The following SEC61A1 variants were observed in gnomAD, a reference collection of about 807,000 sequenced individuals.
SEC61A1 encodes the protein SEC61 translocon subunit alpha 1.
In SEC61A1, 15 loss-of-function variants were observed where a neutral mutation model predicts 55.2. That is an observed-to-expected ratio of 0.27 (90% CI 0.18 to 0.42). SEC61A1 has a LOEUF of 0.42. SEC61A1 is among the 10% of genes least tolerant of loss of function. The pLI is 1.00. For missense variants in SEC61A1, 284 were observed against 602.6 expected, an observed-to-expected ratio of 0.47 and a Z score of 5.53; for synonymous variants, 247 against 234.0, an observed-to-expected ratio of 1.06 and a Z score of -0.51.
At position 128,060,657 on chromosome 3, in the gene SEC61A1, C is replaced by T. The variant is rs745868695; in HGVS notation, c.612C>T (p.Gly204=). The T allele has an allele frequency of 3.7e-6, 6 of 1,613,896 alleles. No homozygotes were observed. Among genetic ancestry groups the T allele is most frequent in the South Asian group, 3.3e-5 (3 of 91,064 alleles). ...TCAGCCCCACTACTGTCAACACTGG[C>T]CGAGGTAAGGGCCCTGTGCTCCCCT... ...KAFSPTTVNT[G]RGMEFEGAII... is the part of the protein sequence containing the mutation. Residue 204 remains glycine (G), a synonymous_variant, in exon 7 of 12, where the codon GGC becomes GGT. Transcript: ENST00000243253.
intron 4 of SEC61A1, among the ~76,000 whole-genome samples, chr3:128,056,186 G>T (rs1941767540): frequency 6.6e-6 from 1 of 152,102 alleles, no homozygotes. Context: ...TTACTTATGG[G>T]ACTGGGGAGG....
At chr3:128,052,354 G>C (rs1941695277), upstream of SEC61A1, 2 of 826,410 alleles carry the variant, frequency 2.4e-6, no homozygotes, top group Non-Finnish European at 1.5e-6. Flanking sequence ...GCGGGCGCGC[G>C]TGGCAGGAAG....
At position 128,052,482 on chromosome 3, in the gene SEC61A1, C is replaced by A. The variant is rs937063007; in HGVS notation, c.-71C>A. On this transcript the variant is annotated 5_prime_UTR_variant, in exon 1 of 12. Coordinates refer to ENST00000243253, the MANE Select transcript of SEC61A1 (RefSeq NM_013336.4). ...TGCTGTGCAGTGGAACGCGCTGGGCCGCGGGCAGCGTCGCCTCACGCGGAG... is the reference window on the plus strand; with the variant it reads ...TGCTGTGCAGTGGAACGCGCTGGGCAGCGGGCAGCGTCGCCTCACGCGGAG... The A allele has an allele frequency of 1.0e-5, 16 of 1,556,140 alleles. No individual in the cohort carries two copies. The highest frequency in any genetic ancestry group is 1.4e-5 in the Non-Finnish European group (16 of 1,151,946).
chr3:128,057,723 G>C (rs553585174), intron 5 of SEC61A1, among the ~76,000 whole-genome samples: 308 of 648 alleles, frequency 0.48, 2 homozygotes, highest in African/African-American at 0.49. Flanking sequence ...AGCCAGGCGT[G>C]GTGACAAGGT....
Position 128,060,539 on chromosome 3 carries a change from T to C in SEC61A1, c.494T>C (p.Leu165Ser), listed in dbSNP as rs1168734315. 1.2e-6 allele frequency: 2 copies of C among 1,614,118 alleles called. No homozygotes were observed. Among genetic ancestry groups the C allele is most frequent in the Non-Finnish European group, 1.7e-6 (2 of 1,180,050 alleles). ...GTTGCTGGCTTAATTGTCCTACTTT[T>C]GGATGAACTCCTGCAAAAAGGATAT... is the stretch of plus-strand genomic sequence containing the variant. The part of the protein sequence containing the change: ...LFVAGLIVLL[L>S]DELLQKGYGL... The change falls in exon 7 of 12, where the codon TTG becomes TCG. Residue 165 changes from leucine (L) to serine (S), a missense_variant. Leu to Ser is a moderately radical substitution (Grantham distance 145). Coordinates refer to ENST00000243253, the MANE Select transcript of SEC61A1 (RefSeq NM_013336.4).
chr3:128,055,344 G>C (rs953345122), intron 2 of SEC61A1, among the ~76,000 whole-genome samples, 172 bp from the exon 3 acceptor site: 1 of 152,230 alleles, frequency 6.6e-6, no homozygotes, highest in Non-Finnish European at 1.5e-5. Flanking sequence ...TGCAGAGGAA[G>C]TTACGCAGTA....
chr3:128,051,803 G>A, upstream of SEC61A1: 1 of 1,533,950 alleles, frequency 6.5e-7, no homozygotes, highest in Non-Finnish European at 8.7e-7. Flanking sequence ...GCCCTTCTCC[G>A]GCCAAGTCTC....
chr3:128,052,648 C>A, intron 1 of SEC61A1, 89 bp downstream of exon 1: 3 of 1,548,740 alleles, frequency 1.9e-6, no homozygotes, highest in East Asian at 2.4e-5. Flanking sequence ...GCCGGCCAAC[C>A]CTGACCGGCC....
Position 128,067,940 on chromosome 3 carries a change from T to G in SEC61A1, c.1168-43T>G. ...TACCACTTGGAATGCCTATTTCCCC[T>G]TCAGCCTCCAATTCCAACTTCTCCC... On this transcript the variant is annotated intron_variant, in intron 10 of 11. Transcript: ENST00000243253. This position sits in a 1 kb window ranked among gnomAD's most constrained non-coding sequence, Gnocchi z 4.1. 2 of 1,532,756 alleles carry G rather than the reference T, an allele frequency of 1.3e-6. No individual in the cohort carries two copies. Among genetic ancestry groups the G allele is most frequent in the Non-Finnish European group, 1.8e-6 (2 of 1,106,184 alleles). The allele number at this position is 1,532,756 out of a possible 1,614,324, so 94.9% of individuals were successfully genotyped here. A position where few individuals can be genotyped will look rare whatever the true frequency, so the allele number is the denominator to read the frequency against.
chr3:128,069,662 AGCC>A lies in SEC61A1; in HGVS notation c.*1_*3del. The A allele has an allele frequency of 6.2e-7, 1 of 1,613,870 alleles. No individual in the cohort carries two copies. The highest frequency in any genetic ancestry group is 1.1e-5 in the South Asian group (1 of 91,078). ...GCAGCATGGGGGCCCTGCTCTTCTG[AGCC>A]CGTCTCCCGGACAGGTTGAGGAAGC... On this transcript the variant is annotated 3_prime_UTR_variant, in exon 12 of 12. Transcript: ENST00000243253.
At chr3:128,069,208 T>C (rs956743539) in intron 11 of SEC61A1, among the ~76,000 whole-genome samples, 36 of 152,260 alleles carry the variant, frequency 2.4e-4, no homozygotes, top group African/African-American at 8.7e-4. Context: ...TGAAATATTT[T>C]ACATCCTTGT....
chr3:128,052,501 C>CGCGGA lies in SEC61A1; in HGVS notation c.-49_-45dup, dbSNP rs1240868742. 2.5e-6 allele frequency: 4 copies of CGCGGA among 1,577,170 alleles called. No homozygotes were observed. The highest frequency in any genetic ancestry group is 2.6e-6 in the Non-Finnish European group (3 of 1,163,044). ...CTGGGCCGCGGGCAGCGTCGCCTCACGCGGAGCAGAGCTGAGCTGAAGCGG... is the reference window on the plus strand; with the variant it reads ...CTGGGCCGCGGGCAGCGTCGCCTCACGCGGAGCGGAGCAGAGCTGAGCTGAAGCGG... On this transcript the variant is annotated 5_prime_UTR_variant, in exon 1 of 12. Coordinates refer to ENST00000243253, the MANE Select transcript of SEC61A1 (RefSeq NM_013336.4).
upstream of SEC61A1, chr3:128,051,797 T>G: frequency 6.5e-7 from 1 of 1,533,136 alleles, no homozygotes; most frequent in Non-Finnish European, 8.7e-7. Flanking sequence ...GCCCCGGCCC[T>G]TCTCCGGCCA....
At chr3:128,065,321 A>G in intron 8 of SEC61A1, 1 of 591,062 alleles carries the variant, frequency 1.7e-6, no homozygotes, top group South Asian at 2.1e-5. Context: ...TTAAGTTCTT[A>G]GTTCAAGAGA....
At position 128,060,638 on chromosome 3, in the gene SEC61A1, C is replaced by G. The variant is rs1559795863; in HGVS notation, c.593C>G (p.Pro198Arg). The G allele has an allele frequency of 6.2e-7, 1 of 1,614,148 alleles. No homozygotes were observed. Among genetic ancestry groups the G allele is most frequent in the Non-Finnish European group, 8.5e-7 (1 of 1,180,044 alleles). Residue 198 changes from proline to arginine, a missense_variant, in exon 7 of 12, where the codon CCC becomes CGC. Transcript: ENST00000243253. The part of the protein sequence containing the change: ...CETIVWKAFS[P>R]TTVNTGRGME... The stretch of plus-strand genomic sequence containing the variant: ...ACCATCGTATGGAAGGCATTCAGCC[C>G]CACTACTGTCAACACTGGCCGAGGT...
At position 128,052,904 on chromosome 3, in the gene SEC61A1, T is replaced by C. The variant is rs748002306; in HGVS notation, c.75+2T>C. The C allele has an allele frequency of 1.9e-6, 3 of 1,610,196 alleles. No individual in the cohort carries two copies. The Admixed American group carries it at 5.1e-5, about 27-fold the overall frequency. ...GAAATTCAGAAGCCAGAGAGGAAGGTAAGTACCCCAAATCGCCAACAAAGA... is the reference window on the plus strand; with the variant it reads ...GAAATTCAGAAGCCAGAGAGGAAGGCAAGTACCCCAAATCGCCAACAAAGA... On this transcript the variant is annotated splice_donor_variant, in intron 2 of 11. Coordinates refer to ENST00000243253, the MANE Select transcript of SEC61A1 (RefSeq NM_013336.4). LOFTEE classifies it high-confidence loss of function.
rs759721310 is a variant in SEC61A1 at position 128,055,694 on chromosome 3, T to A, written c.163T>A (p.Ser55Thr). Residue 55 changes from serine to threonine, a missense_variant, in exon 4 of 12, where the codon TCT becomes ACT. Coordinates refer to ENST00000243253, the MANE Select transcript of SEC61A1 (RefSeq NM_013336.4). ...CCQIPLFGIM[S>T]SDSADPFYWM... ...CCAGATTCCCCTGTTTGGGATCATG[T>A]CTTCAGATTCAGCTGACCCTTTCTA... 1 of 1,614,164 alleles carries A rather than the reference T, an allele frequency of 6.2e-7. No homozygotes were observed. The highest frequency in any genetic ancestry group is 1.7e-5 in the Admixed American group (1 of 60,024).
chr3:128,060,684 G>A lies in SEC61A1; in HGVS notation c.616+23G>A, dbSNP rs760073349. 2.5e-6 allele frequency: 4 copies of A among 1,604,988 alleles called. No individual in the cohort carries two copies. In the Middle Eastern group the frequency reaches 5.0e-4, roughly 200 times the overall value. ...GAGGTAAGGGCCCTGTGCTCCCCTG[G>A]TGGCGACAGCTTTCAGCAAAAACAA... On this transcript the variant is annotated intron_variant, in intron 7 of 11. Transcript: ENST00000243253.
chr3:128,052,612 C>T (rs1941704968), intron 1 of SEC61A1, 53 bp downstream of exon 1: 5 of 1,572,236 alleles, frequency 3.2e-6, no homozygotes, highest in Middle Eastern at 1.7e-4. Context: ...GATCCCCCTT[C>T]CCCACACCCG....
Sources: gnomAD v4.1 joint callset for allele counts (sites outside exome capture counted in the v4.1 genomes callset) on GRCh38, gnomAD v4.1.1 for gene constraint, Gnocchi (gnomAD v3.1) non-coding constraint, MANE v1.5 for transcripts, NCBI Gene and HGNC (gene_info 2026-07-23, HGNC 2026-07-21) for gene names.